Variants in FANK1 observed in about 807,000 individuals in gnomAD.
FANK1 encodes the protein fibronectin type III and ankyrin repeat domains 1, also known as fibronectin type 3 and ankyrin repeat domains protein 1.
A neutral mutation model predicts 45.3 loss-of-function variants in FANK1; 44 were observed. The observed-to-expected ratio is 0.97, with a 90% confidence interval of 0.76 to 1.25. The LOEUF (loss-of-function observed/expected upper bound fraction) is 1.25, where lower values mean the gene tolerates loss of function less well. Ranked by LOEUF, FANK1 falls within the 50% of genes most tolerant of loss-of-function variation. The probability of loss-of-function intolerance (pLI) is 0.00; values close to 1 mark genes in which losing one functional copy is unlikely to be tolerated. For synonymous variants in FANK1, 149 were observed against 152.5 expected (o/e 0.98, Z 0.17); for missense variants, 391 against 424.4 (o/e 0.92, Z 0.69).
At chr10:125,986,163 A>G (rs114216380) in intron 2 of FANK1, among the ~76,000 whole-genome samples, 2,216 of 152,212 alleles carry the variant, frequency 0.015, 60 homozygotes, top group African/African-American at 0.05. Context: ...AGGTGAAGAG[A>G]AATGTGTTTC....
rs575456614 is a variant in FANK1 at position 126,005,563 on chromosome 10, C to T, written c.705+514C>T. On this transcript the variant is annotated intron_variant, in intron 7 of 10. Transcript: ENST00000368693. ...CCTTAAGTGATCCACCCACCTCAGCCTCCCAAAGTGCTGGGATTACAAGTG... is the reference window on the plus strand; with the variant it reads ...CCTTAAGTGATCCACCCACCTCAGCTTCCCAAAGTGCTGGGATTACAAGTG... 1.8e-4 allele frequency among the ~76,000 whole-genome samples: 27 copies of T among 152,326 alleles called. No individual in the cohort carries two copies. The East Asian group carries it at 4.3e-3, about 24-fold the overall frequency.
chr10:125,932,969 T>C (rs1394693127), intron 1 of FANK1, among the ~76,000 whole-genome samples: 1 of 152,222 alleles, frequency 6.6e-6, no homozygotes, highest in Non-Finnish European at 1.5e-5. Context: ...CATGTCATTT[T>C]TTTTTAAATT....
At chr10:125,970,916 A>G (rs1329765099) in intron 1 of FANK1, among the ~76,000 whole-genome samples, 2 of 152,162 alleles carry the variant, frequency 1.3e-5, no homozygotes, top group African/African-American at 4.8e-5. Flanking sequence ...CACCTTAGGA[A>G]AGATGTGTTA....
At chr10:125,929,129 A>C (rs1947579675) in intron 1 of FANK1, among the ~76,000 whole-genome samples, 1 of 152,250 alleles carries the variant, frequency 6.6e-6, no homozygotes, top group African/African-American at 2.4e-5. Context: ...TGAGACTCAC[A>C]GAAGAGCCAG....
At position 125,983,375 on chromosome 10, in the gene FANK1, G is replaced by A. The variant is rs1019888955; in HGVS notation, c.191+3037G>A. Among the ~76,000 whole-genome samples, 2 of 152,096 alleles carry A rather than the reference G, an allele frequency of 1.3e-5. No individual in the cohort carries two copies. The highest frequency in any genetic ancestry group is 2.9e-5 in the Non-Finnish European group (2 of 68,028). ...TCTGCCGTGTGTCAGACACTGCTCC[G>A]GATGCTGGGGATACGGCACTGGGAA... On this transcript the variant is annotated intron_variant, in intron 2 of 10. Transcript: ENST00000368693. This position sits in a 1 kb window ranked among gnomAD's most constrained non-coding sequence, Gnocchi z 4.3.
At chr10:125,938,723 C>T (rs1207343423) in intron 1 of FANK1, among the ~76,000 whole-genome samples, 1 of 152,020 alleles carries the variant, frequency 6.6e-6, no homozygotes, top group Non-Finnish European at 1.5e-5. Flanking sequence ...GCAGGAGAAT[C>T]GCTTGAACCT....
intron 4 of FANK1, among the ~76,000 whole-genome samples, chr10:125,995,854 G>A (rs931830922): frequency 1.3e-5 from 2 of 152,254 alleles, no homozygotes; most frequent in East Asian, 1.9e-4. Context: ...CAAGGGACTC[G>A]CCAAATCAAC....
intron 1 of FANK1, among the ~76,000 whole-genome samples, chr10:125,944,176 G>A (rs1256078138): frequency 6.6e-6 from 1 of 152,176 alleles, no homozygotes. Context: ...ACACGATAAT[G>A]GCATACATAA....
At chr10:125,976,880 C>G (rs191397047) in intron 1 of FANK1, among the ~76,000 whole-genome samples, 2 of 152,300 alleles carry the variant, frequency 1.3e-5, no homozygotes, top group African/African-American at 4.8e-5. Context: ...GCCTCAGCCT[C>G]CCAAAGTGCT....
intron 1 of FANK1, chr10:125,979,805 C>T (rs145198961): frequency 3.0e-4 from 139 of 468,082 alleles, no homozygotes; most frequent in African/African-American, 2.4e-3. Flanking sequence ...GCATTTGTCT[C>T]TTGGCTTTGT....
chr10:125,943,002 T>C (rs1275063909), intron 1 of FANK1, among the ~76,000 whole-genome samples: 1 of 151,980 alleles, frequency 6.6e-6, no homozygotes, highest in African/African-American at 2.4e-5. Context: ...TTAATAGAGA[T>C]GGGGTTTCAC....
At chr10:125,977,522 T>A (rs1950930197) in intron 1 of FANK1, among the ~76,000 whole-genome samples, 1 of 152,182 alleles carries the variant, frequency 6.6e-6, no homozygotes, top group South Asian at 2.1e-4. Context: ...CTCTCCCACT[T>A]GAGTGCTGGC....
chr10:125,934,157 A>G (rs1947925657), intron 1 of FANK1, among the ~76,000 whole-genome samples: 1 of 152,204 alleles, frequency 6.6e-6, no homozygotes, highest in Non-Finnish European at 1.5e-5. Context: ...TAAATAGCTA[A>G]TTTCAACATA....
chr10:126,009,286 C>A lies in FANK1; in HGVS notation c.972+20C>A. 6.2e-7 allele frequency: 1 copy of A among 1,614,120 alleles called. No individual in the cohort carries two copies. Among genetic ancestry groups the A allele is most frequent in the Non-Finnish European group, 8.5e-7 (1 of 1,180,016 alleles). On this transcript the variant is annotated intron_variant, in intron 10 of 10. Coordinates refer to ENST00000368693, the MANE Select transcript of FANK1 (RefSeq NM_145235.5). ...AGACAGGTTGGGATGCTCTTTCTGC[C>A]TATCAAGGCTAATTTTTAGTCCTTC...
chr10:125,927,922 T>G (rs1442074503), intron 1 of FANK1, among the ~76,000 whole-genome samples: 1 of 152,118 alleles, frequency 6.6e-6, no homozygotes, highest in East Asian at 1.9e-4. Context: ...TGCAAGTGCT[T>G]TATAGAGTGT....
In FANK1 at chr10:125,940,993, C is replaced by G. The variant is rs564276774; in HGVS notation, c.14-39168C>G. Among the ~76,000 whole-genome samples the G allele has an allele frequency of 8.5e-5, 13 of 152,312 alleles. No homozygotes were observed. The East Asian group carries it at 2.5e-3, about 29-fold the overall frequency. ...AGCATCTCAAGGCAAAACAATTGTT[C>G]AGGGTACAGATCAAAATGCAGTTTC... On this transcript the variant is annotated intron_variant, in intron 1 of 10. Transcript: ENST00000368693.
intron 1 of FANK1, among the ~76,000 whole-genome samples, chr10:125,922,324 A>G (rs1417534105): frequency 1.3e-5 from 2 of 152,352 alleles, no homozygotes; most frequent in South Asian, 4.1e-4. Context: ...GACCCAGAAT[A>G]TGATCTCTCA....
intron 1 of FANK1, among the ~76,000 whole-genome samples, chr10:125,896,960 C>T (rs888161658): frequency 1.3e-5 from 2 of 152,172 alleles, no homozygotes; most frequent in African/African-American, 4.8e-5. Flanking sequence ...CCTGAAACTT[C>T]GCCCGGACGG....
chr10:125,935,913 GACT>G (rs1564889236), intron 1 of FANK1, among the ~76,000 whole-genome samples: 2 of 152,066 alleles, frequency 1.3e-5, no homozygotes, highest in East Asian at 3.9e-4. Context: ...ATTATATGAA[GACT>G]ACATTTTTAA....
Sources: allele counts gnomAD v4.1 joint callset (sites outside exome capture counted in the v4.1 genomes callset), GRCh38; gene constraint gnomAD v4.1.1; non-coding constraint Gnocchi (gnomAD v3.1); transcripts MANE v1.5; gene names NCBI Gene and HGNC (gene_info 2026-07-23, HGNC 2026-07-21).